ATP2B3: variants seen among roughly 807,000 people sequenced by gnomAD.
The protein encoded by ATP2B3 is ATPase plasma membrane Ca2+ transporting 3.
ATP2B3 carries 12 observed loss-of-function variants against 70.8 expected under a neutral mutation model. That is an observed-to-expected ratio of 0.17 (90% CI 0.11 to 0.27). The LOEUF (loss-of-function observed/expected upper bound fraction) is 0.27, where lower values mean the gene tolerates loss of function less well. Ranked by LOEUF, ATP2B3 falls within the 10% of genes least tolerant of loss-of-function variation. The probability of loss-of-function intolerance (pLI) is 1.00; values close to 1 mark genes in which losing one functional copy is unlikely to be tolerated. For missense variants in ATP2B3, 858 were observed against 1,118.5 expected (o/e 0.77, Z 3.32); for synonymous variants, 460 against 497.8 (o/e 0.92, Z 1.01).
At chrX:153,545,272 G>T (rs2090347733) in intron 7 of ATP2B3, among the ~76,000 whole-genome samples, 1 of 113,421 alleles carries the variant, frequency 8.8e-6, no homozygotes. Context: ...CAGGGCTGCT[G>T]TGTGCCGGGG....
rs961061462 is a variant in ATP2B3 at position 153,542,904 on chromosome X, G to A, written c.791-139G>A. The A allele has an allele frequency of 3.5e-6, 3 of 861,248 alleles. No individual in the cohort carries two copies. In the East Asian group the frequency reaches 1.0e-4, roughly 29 times the overall value. The allele number at this position is 861,248 out of a possible 1,213,427, so 71.0% of individuals were successfully genotyped here. A position where few individuals can be genotyped will look rare whatever the true frequency, so the allele number is the denominator to read the frequency against. ...GCCTCGGGGTCTCCTCCAAGCCAGG[G>A]AGGAGGCTTCAGCCTAGTTTTAAGG... On this transcript the variant is annotated intron_variant, in intron 6 of 21. Transcript: ENST00000263519.
intron 9 of ATP2B3, 55 bp from the exon 10 acceptor site, chrX:153,548,585 C>G: frequency 9.4e-7 from 1 of 1,058,600 alleles, no homozygotes; most frequent in African/African-American, 1.8e-5. Flanking sequence ...CTTCCTGTCC[C>G]CCTCCTTCCC....
At chrX:153,559,988 C>T in intron 18 of ATP2B3, 46 bp downstream of exon 18, 3 of 1,145,298 alleles carry the variant, frequency 2.6e-6, no homozygotes, top group Non-Finnish European at 3.6e-6. Context: ...ACACTGTTGC[C>T]ACCACCTCGG....
chrX:153,542,661 C>T (rs1011602962), intron 6 of ATP2B3, among the ~76,000 whole-genome samples: 3 of 112,849 alleles, frequency 2.7e-5, no homozygotes, highest in Non-Finnish European at 5.6e-5. Flanking sequence ...CCTCCAGGCC[C>T]GGGAGAGTGC....
At position 153,556,322 on chromosome X, in the gene ATP2B3, C is replaced by T; in HGVS notation, c.2239-9C>T. The T allele has an allele frequency of 8.3e-7, 1 of 1,208,421 alleles. No individual in the cohort carries two copies. The highest frequency in any genetic ancestry group is 1.1e-6 in the Non-Finnish European group (1 of 893,908). On this transcript the variant is annotated splice_polypyrimidine_tract_variant and intron_variant, in intron 14 of 21. Coordinates refer to ENST00000263519, the MANE Select transcript of ATP2B3 (RefSeq NM_001001344.3). ...AGCTCTGCAGCGTCCTTGTGCTTCC[C>T]CTCCCCAGATAGAACAGGAGCGGCT...
Position 153,565,118 on chromosome X carries a change from G to A in ATP2B3, c.3342+15G>A, listed in dbSNP as rs1349003701. On this transcript the variant is annotated intron_variant, in intron 21 of 21. Coordinates refer to ENST00000263519, the MANE Select transcript of ATP2B3 (RefSeq NM_001001344.3). Reference sequence around the variant, plus strand: ...TTCAGACGCAGGTAAGCCCCGACTCGCTCTCGCCCTGGCACTTCCACCCCA... The same window carrying A: ...TTCAGACGCAGGTAAGCCCCGACTCACTCTCGCCCTGGCACTTCCACCCCA... 3.4e-6 allele frequency: 4 copies of A among 1,161,311 alleles called. No individual in the cohort carries two copies. Among genetic ancestry groups the A allele is most frequent in the East Asian group, 3.3e-5 (1 of 30,719 alleles).
intron 2 of ATP2B3, among the ~76,000 whole-genome samples, chrX:153,526,908 G>C (rs12559512): frequency 0.051 from 5,756 of 111,835 alleles, 157 homozygotes; most frequent in Non-Finnish European, 0.079. Flanking sequence ...CCTGCTTCCA[G>C]AAACCAGGAT....
Position 153,542,424 on chromosome X carries a change from G to A in ATP2B3, c.766G>A (p.Asp256Asn). The change falls in exon 6 of 22, where the codon GAC becomes AAC. Residue 256 changes from aspartate to asparagine, a missense_variant. Around this residue, in one of 5 missense-constraint regions of ATP2B3, gnomAD observed 278 missense variants for 366.2 expected, o/e 0.76. Transcript: ENST00000263519. ...GTCTGACCACGTGCGCAAGTCAGCT[G>A]ACAAAGATCCCATGCTGCTCTCAGG... ...GESDHVRKSA[D>N]KDPMLLSGTH... 2 of 1,211,788 alleles carry A rather than the reference G, an allele frequency of 1.7e-6. No homozygotes were observed.
chrX:153,523,289 A>G (rs959807677), intron 2 of ATP2B3, among the ~76,000 whole-genome samples: 25 of 112,803 alleles, frequency 2.2e-4, no homozygotes, highest in Non-Finnish European at 4.5e-4. Flanking sequence ...GGGATGTATC[A>G]GGCGGCCTTC....
At chrX:153,553,974 T>C (rs782354273) in intron 13 of ATP2B3, among the ~76,000 whole-genome samples, 1 of 113,693 alleles carries the variant, frequency 8.8e-6, no homozygotes, top group South Asian at 3.5e-4. Context: ...AACTTGTCTT[T>C]GTAGGAGCCA....
In ATP2B3 at chrX:153,536,233, G is replaced by A. The variant is rs1410255249; in HGVS notation, c.-15G>A. ...TGAGCCAAGATTGCACTTGTGAGAAGGCCTGACAGGCAGCATGGGCGACAT... is the reference window on the plus strand; with the variant it reads ...TGAGCCAAGATTGCACTTGTGAGAAAGCCTGACAGGCAGCATGGGCGACAT... On this transcript the variant is annotated 5_prime_UTR_variant, in exon 3 of 22. Coordinates refer to ENST00000263519, the MANE Select transcript of ATP2B3 (RefSeq NM_001001344.3). 12 of 1,181,169 alleles carry A rather than the reference G, an allele frequency of 1.0e-5. No homozygotes were observed. Among genetic ancestry groups the A allele is most frequent in the Non-Finnish European group, 1.1e-5 (10 of 879,624 alleles).
chrX:153,546,733 A>G (rs2090373735), intron 8 of ATP2B3, among the ~76,000 whole-genome samples: 1 of 113,289 alleles, frequency 8.8e-6, no homozygotes, highest in African/African-American at 3.2e-5. Context: ...TGCAGCAGCC[A>G]GCTCTAGGTG....
chrX:153,543,301 C>T, intron 7 of ATP2B3, 133 bp downstream of exon 7: 1 of 914,563 alleles, frequency 1.1e-6, no homozygotes, highest in Non-Finnish European at 1.5e-6. Context: ...CGGGCCCTCT[C>T]TTTTGATTCT....
chrX:153,570,725 T>C (rs1331294667), intron 21 of ATP2B3, among the ~76,000 whole-genome samples: 1 of 111,348 alleles, frequency 9.0e-6, no homozygotes, highest in African/African-American at 3.3e-5. Context: ...GCTACCTCTT[T>C]CCTTTCCTTC....
At chrX:153,538,594 G>T (rs782178924) in intron 3 of ATP2B3, among the ~76,000 whole-genome samples, 1 of 112,957 alleles carries the variant, frequency 8.9e-6, no homozygotes, top group Non-Finnish European at 1.9e-5. Flanking sequence ...GGGCGGATTC[G>T]CTGGGAGCCG....
At chrX:153,573,085 G>T (rs952694375) in intron 21 of ATP2B3, among the ~76,000 whole-genome samples, 83 of 112,634 alleles carry the variant, frequency 7.4e-4, no homozygotes, top group African/African-American at 2.6e-3. Flanking sequence ...TCCTGACCTG[G>T]CCCAGCAAAG....
chrX:153,578,991 C>T (rs1418512845), intron 21 of ATP2B3, among the ~76,000 whole-genome samples: 1 of 112,871 alleles, frequency 8.9e-6, no homozygotes, highest in Admixed American at 9.3e-5. Flanking sequence ...CAGATACCTC[C>T]AGCTGGGGAC....
intron 8 of ATP2B3, among the ~76,000 whole-genome samples, chrX:153,547,544 C>T (rs782168238): frequency 4.5e-5 from 5 of 111,529 alleles, no homozygotes; most frequent in Non-Finnish European, 7.5e-5. Context: ...ATTCCAGGAC[C>T]AGTCACCCTG....
chrX:153,561,578 A>G (rs782197644), intron 19 of ATP2B3, among the ~76,000 whole-genome samples: 4 of 111,178 alleles, frequency 3.6e-5, no homozygotes, highest in African/African-American at 9.8e-5. Context: ...GGAGCAGGTG[A>G]GGCAGGGCTG....
Sources: allele counts gnomAD v4.1 joint callset (sites outside exome capture counted in the v4.1 genomes callset), GRCh38; gene constraint gnomAD v4.1.1; regional missense constraint gnomAD v4.1.1; transcripts MANE v1.5; gene names NCBI Gene and HGNC (gene_info 2026-07-23, HGNC 2026-07-21).